RASGEF1B: variants seen among roughly 807,000 people sequenced by gnomAD.
RASGEF1B encodes the protein ras-GEF domain-containing family member 1B.
A neutral mutation model predicts 65.7 loss-of-function variants in RASGEF1B; 30 were observed. That is an observed-to-expected ratio of 0.46 (90% CI 0.34 to 0.62). The LOEUF (loss-of-function observed/expected upper bound fraction) is 0.62. RASGEF1B is among the 20% of genes least tolerant of loss of function. The pLI, the probability that RASGEF1B is intolerant of heterozygous loss-of-function variation, is 0.01. For synonymous variants in RASGEF1B, 175 were observed against 194.8 expected (o/e 0.90, Z 0.85); for missense variants, 495 against 580.1 (o/e 0.85, Z 1.51).
rs971332092 is a variant in RASGEF1B at position 81,466,667 on chromosome 4, G to A, written c.-7+5103C>T. ...CCAGCTACTGGGGAGGCTGAGGCAG[G>A]AGAATTGTTTGAACCTGGAAGACAG... On this transcript the variant is annotated intron_variant, in intron 1 of 13. Coordinates refer to ENST00000264400, the MANE Select transcript of RASGEF1B (RefSeq NM_152545.3). Among the ~76,000 whole-genome samples, 18 of 150,748 alleles carry A rather than the reference G, an allele frequency of 1.2e-4. 1 individual carries two copies. Among genetic ancestry groups the A allele is most frequent in the South Asian group, 8.4e-4 (4 of 4,758 alleles).
Position 81,427,240 on chromosome 4 carries a change from A to T in RASGEF1B, c.*528T>A, listed in dbSNP as rs1721258007. 1 of 153,036 alleles carries T rather than the reference A, an allele frequency of 6.5e-6. No individual in the cohort carries two copies. The highest frequency in any genetic ancestry group is 1.5e-5 in the Non-Finnish European group (1 of 68,448). The allele number at this position is 153,036 out of a possible 1,614,324, so 9.5% of individuals were successfully genotyped here. On this transcript the variant is annotated 3_prime_UTR_variant, in exon 14 of 14. Coordinates refer to ENST00000264400, the MANE Select transcript of RASGEF1B (RefSeq NM_152545.3). ...AAACAAAGTCTGCAGTCAGCTTCCA[A>T]CCAGTCTTACCCCTCTCTGGCAATA...
intron 1 of RASGEF1B, among the ~76,000 whole-genome samples, chr4:81,466,437 ATT>A (rs1722805567): frequency 1.3e-5 from 2 of 152,116 alleles, no homozygotes; most frequent in Non-Finnish European, 2.9e-5. Flanking sequence ...TTCTGACACT[ATT>A]TAAAACATGA....
chr4:81,448,184 G>A lies in RASGEF1B; in HGVS notation c.539C>T (p.Thr180Ile). The change falls in exon 5 of 14, where the codon ACA becomes ATA. Residue 180 changes from threonine (T) to isoleucine (I), a missense_variant. Physicochemically the swap from Thr to Ile is moderately conservative, Grantham distance 89. Transcript: ENST00000264400. ...YEEVLAKISS[T>I]STDRLTVLKT... Reference sequence around the variant, plus strand: ...GAGAACTGTGAGCCGATCTGTGGATGTGGAGCTGATTTTTGCCAGGACTTC... The same window carrying A: ...GAGAACTGTGAGCCGATCTGTGGATATGGAGCTGATTTTTGCCAGGACTTC... 1.2e-6 allele frequency: 2 copies of A among 1,614,128 alleles called. No individual in the cohort carries two copies. Among genetic ancestry groups the A allele is most frequent in the Non-Finnish European group, 8.5e-7 (1 of 1,180,028 alleles).
At chr4:81,448,402 A>C (rs1722121787) in intron 4 of RASGEF1B, 118 bp from the exon 5 acceptor site, 3 of 843,352 alleles carry the variant, frequency 3.6e-6, no homozygotes, top group Non-Finnish European at 5.8e-6. Context: ...AAACTTGGTT[A>C]AGGGCAGTTA....
intron 8 of RASGEF1B, among the ~76,000 whole-genome samples, chr4:81,443,274 T>C (rs1252442303): frequency 6.6e-6 from 1 of 152,190 alleles, no homozygotes; most frequent in East Asian, 1.9e-4. Flanking sequence ...AAGTGGGAGA[T>C]TGCTTCCTAA....
At chr4:81,467,254 T>C (rs1722871417) in intron 1 of RASGEF1B, among the ~76,000 whole-genome samples, 1 of 152,238 alleles carries the variant, frequency 6.6e-6, no homozygotes, top group Non-Finnish European at 1.5e-5. Flanking sequence ...TAGATGCTGC[T>C]TAAATATTTC....
chr4:81,449,579 A>T (rs1437710587), intron 4 of RASGEF1B, among the ~76,000 whole-genome samples: 1 of 152,212 alleles, frequency 6.6e-6, no homozygotes, highest in Non-Finnish European at 1.5e-5. Flanking sequence ...CAATGCTAAC[A>T]TGGTCCTTAG....
intron 10 of RASGEF1B, among the ~76,000 whole-genome samples, chr4:81,438,306 T>G (rs1484364640): frequency 6.6e-6 from 1 of 152,256 alleles, no homozygotes; most frequent in Non-Finnish European, 1.5e-5. Flanking sequence ...TGTGCCACTC[T>G]GACCACACAA....
intron 9 of RASGEF1B, 133 bp from the exon 10 acceptor site, chr4:81,441,062 C>T (rs1190397610): frequency 1.7e-6 from 1 of 586,212 alleles, no homozygotes; most frequent in Non-Finnish European, 3.0e-6. Context: ...TATGATTTAT[C>T]CTTCTCATAC....
intron 10 of RASGEF1B, among the ~76,000 whole-genome samples, chr4:81,435,774 CTTTTT>C (rs34304493): frequency 1.1e-5 from 1 of 91,610 alleles, no homozygotes; most frequent in Non-Finnish European, 2.0e-5. Flanking sequence ...CGCGCCTGGC[CTTTTT>C]TTTTTTTTTT....
chr4:81,435,079 C>T (rs993964521), intron 10 of RASGEF1B, among the ~76,000 whole-genome samples: 13 of 152,142 alleles, frequency 8.5e-5, no homozygotes, highest in Admixed American at 2.6e-4. Flanking sequence ...AGAACTCTTG[C>T]CTTTCACTTA....
intron 12 of RASGEF1B, among the ~76,000 whole-genome samples, chr4:81,432,624 A>G (rs1721470020): frequency 6.6e-6 from 1 of 152,230 alleles, no homozygotes; most frequent in South Asian, 2.1e-4. Flanking sequence ...ATAAGGCAAA[A>G]AAAAGCTTAT....
chr4:81,457,779 T>G (rs1395877231), intron 2 of RASGEF1B, among the ~76,000 whole-genome samples, 158 bp from the exon 3 acceptor site: 1 of 152,204 alleles, frequency 6.6e-6, no homozygotes, highest in Non-Finnish European at 1.5e-5. Context: ...TAAGGTTAAT[T>G]TCTCCTTTAC....
chr4:81,445,094 A>G (rs1393035005), intron 8 of RASGEF1B, among the ~76,000 whole-genome samples: 1 of 152,212 alleles, frequency 6.6e-6, no homozygotes, highest in Non-Finnish European at 1.5e-5. Flanking sequence ...TACTAGAGTA[A>G]TAAGGTCTGT....
At chr4:81,467,461 C>T (rs1047278297) in intron 1 of RASGEF1B, among the ~76,000 whole-genome samples, 2 of 152,118 alleles carry the variant, frequency 1.3e-5, no homozygotes, top group Non-Finnish European at 2.9e-5. Flanking sequence ...TGAAATAAAT[C>T]TTTACTGTGT....
chr4:81,438,397 G>A (rs1049518417), intron 10 of RASGEF1B, among the ~76,000 whole-genome samples: 1 of 152,182 alleles, frequency 6.6e-6, no homozygotes, highest in East Asian at 1.9e-4. Flanking sequence ...TGATCCACCC[G>A]CCTCAGCCTC....
intron 4 of RASGEF1B, chr4:81,453,110 G>C (rs539561696): frequency 6.6e-6 from 1 of 151,716 alleles, no homozygotes; most frequent in South Asian, 2.1e-4. Context: ...TAATTCATTT[G>C]TTCATTCATT....
chr4:81,456,479 G>T (rs781067298), intron 4 of RASGEF1B, 172 bp downstream of exon 4: 2 of 749,800 alleles, frequency 2.7e-6, no homozygotes, highest in Admixed American at 1.9e-5. Flanking sequence ...AAGTGGGATG[G>T]TATAATCATT....
At chr4:81,462,193 AC>A (rs962293963) in intron 1 of RASGEF1B, among the ~76,000 whole-genome samples, 2 of 152,202 alleles carry the variant, frequency 1.3e-5, no homozygotes, top group African/African-American at 4.8e-5. Flanking sequence ...CAAAATAGTA[AC>A]AAAACTACTT....
Sources: allele counts gnomAD v4.1 joint callset (sites outside exome capture counted in the v4.1 genomes callset), GRCh38; gene constraint gnomAD v4.1.1; transcripts MANE v1.5; gene names NCBI Gene and HGNC (gene_info 2026-07-23, HGNC 2026-07-21).